The following ADRA1B variants were observed in gnomAD, a reference collection of about 807,000 sequenced individuals.
ADRA1B encodes the protein alpha-1B adrenergic receptor.
Under a neutral mutation model 17.9 loss-of-function variants are expected in ADRA1B, and 17 were observed. That is an observed-to-expected ratio of 0.95 (90% CI 0.65 to 1.42). ADRA1B has a LOEUF of 1.42. Among genes scored for constraint, ADRA1B ranks in the 40% most tolerant of loss-of-function variants. The pLI is 0.00. For synonymous variants in ADRA1B, 366 were observed against 327.6 expected, an observed-to-expected ratio of 1.12 and a Z score of -1.27; for missense variants, 681 against 722.1, an observed-to-expected ratio of 0.94 and a Z score of 0.65.
chr5:159,934,852 C>T (rs574050323), intron 1 of ADRA1B, among the ~76,000 whole-genome samples: 2 of 151,166 alleles, frequency 1.3e-5, no homozygotes, highest in South Asian at 4.2e-4. Flanking sequence ...TGAAATCTGA[C>T]ATATCTGTCT....
chr5:159,944,192 A>G (rs1181462965), intron 1 of ADRA1B, among the ~76,000 whole-genome samples: 1 of 152,020 alleles, frequency 6.6e-6, no homozygotes, highest in African/African-American at 2.4e-5. Flanking sequence ...AAAGATACCA[A>G]TTTACTCAGG....
the ADRA1B span, among the ~76,000 whole-genome samples, chr5:159,983,237 C>G: frequency 1.3e-5 from 2 of 152,188 alleles, no homozygotes; most frequent in African/African-American, 4.8e-5. Context: ...AACCAGATCC[C>G]TCTGCTGCTT....
At chr5:159,949,529 C>T (rs1755367308) in intron 1 of ADRA1B, among the ~76,000 whole-genome samples, 1 of 152,186 alleles carries the variant, frequency 6.6e-6, no homozygotes, top group Non-Finnish European at 1.5e-5. Flanking sequence ...GATGCATCAA[C>T]AACATGAAAA....
At chr5:159,964,885 A>G (rs901947621) in intron 1 of ADRA1B, among the ~76,000 whole-genome samples, 32 of 152,304 alleles carry the variant, frequency 2.1e-4, no homozygotes, top group African/African-American at 7.7e-4. Flanking sequence ...CATCATAGCT[A>G]TACTTATTGA....
upstream of ADRA1B, among the ~76,000 whole-genome samples, chr5:159,914,163 GAT>G (rs1581028385): frequency 6.6e-6 from 1 of 152,182 alleles, no homozygotes; most frequent in Non-Finnish European, 1.5e-5. Context: ...GGATCTCAAA[GAT>G]CATCTAAGCC....
At chr5:159,884,548 G>A (rs1262997354) in intron 1 of ADRA1B, among the ~76,000 whole-genome samples, 1 of 152,068 alleles carries the variant, frequency 6.6e-6, no homozygotes. Context: ...GGACTTCCCA[G>A]CCTCCAAAAC....
chr5:159,948,399 C>T (rs1755333190), intron 1 of ADRA1B: 2 of 985,390 alleles, frequency 2.0e-6, no homozygotes, highest in African/African-American at 3.5e-5. Flanking sequence ...GGAACCTTCA[C>T]AAAAATGATG....
chr5:159,986,390 A>G, the ADRA1B span, among the ~76,000 whole-genome samples: 1 of 152,320 alleles, frequency 6.6e-6, no homozygotes, highest in African/African-American at 2.4e-5. Flanking sequence ...AGTATATCCA[A>G]CCTAGACAGA....
At chr5:159,877,635 C>T (rs983933737) in intron 1 of ADRA1B, among the ~76,000 whole-genome samples, 1 of 152,120 alleles carries the variant, frequency 6.6e-6, no homozygotes, top group Non-Finnish European at 1.5e-5. Context: ...TATGGACTCC[C>T]TACTGTGCAC....
intron 1 of ADRA1B, among the ~76,000 whole-genome samples, chr5:159,919,581 T>C (rs760018879): frequency 6.6e-6 from 1 of 152,278 alleles, no homozygotes; most frequent in Non-Finnish European, 1.5e-5. Flanking sequence ...AAGTTAGCTA[T>C]GAGCAGTACA....
chr5:159,941,514 TC>T (rs1487062717), intron 1 of ADRA1B, among the ~76,000 whole-genome samples: 3 of 152,160 alleles, frequency 2.0e-5, no homozygotes, highest in Admixed American at 6.5e-5. Context: ...GACCCAGCAG[TC>T]CGACTCCTAG....
chr5:159,977,792 T>C (rs1755995103), downstream of ADRA1B, among the ~76,000 whole-genome samples: 1 of 152,134 alleles, frequency 6.6e-6, no homozygotes, highest in African/African-American at 2.4e-5. Flanking sequence ...CTCTCTGATC[T>C]TCTTTCCTAC....
intron 1 of ADRA1B, among the ~76,000 whole-genome samples, chr5:159,960,993 T>C (rs993910488): frequency 6.6e-6 from 1 of 152,214 alleles, no homozygotes; most frequent in African/African-American, 2.4e-5. Flanking sequence ...GATGAGAATA[T>C]AGACCTAAGC....
At chr5:159,898,153 G>T (rs926873462) in intron 1 of ADRA1B, among the ~76,000 whole-genome samples, 2 of 152,240 alleles carry the variant, frequency 1.3e-5, no homozygotes, top group Non-Finnish European at 2.9e-5. Context: ...AAAGGAACCA[G>T]TTGTGTTGGC....
chr5:159,934,412 C>A (rs897161286), intron 1 of ADRA1B, among the ~76,000 whole-genome samples: 1 of 152,046 alleles, frequency 6.6e-6, no homozygotes, highest in Admixed American at 6.5e-5. Flanking sequence ...GCCTTCCCAC[C>A]CCCTCGTCTT....
intron 1 of ADRA1B, among the ~76,000 whole-genome samples, chr5:159,895,393 T>G (rs1219371538): frequency 6.6e-6 from 1 of 152,216 alleles, no homozygotes; most frequent in East Asian, 1.9e-4. Context: ...AAACAATGCC[T>G]CATTGAAGCT....
intron 1 of ADRA1B, 90 bp from the exon 2 acceptor site, chr5:159,971,789 C>T (rs1755869832): frequency 6.3e-6 from 8 of 1,271,978 alleles, no homozygotes; most frequent in African/African-American, 1.5e-5. Flanking sequence ...TGCAGGTTGA[C>T]AATGTTGAGG....
chr5:159,965,341 G>A (rs994851827), intron 1 of ADRA1B, among the ~76,000 whole-genome samples: 2 of 152,144 alleles, frequency 1.3e-5, no homozygotes, highest in African/African-American at 4.8e-5. Context: ...TCAGGGCCAG[G>A]CTCGGGAACA....
intron 1 of ADRA1B, among the ~76,000 whole-genome samples, chr5:159,958,639 AAAC>A (rs1329044645): frequency 3.9e-5 from 6 of 152,330 alleles, no homozygotes; most frequent in East Asian, 1.9e-4. Flanking sequence ...CACACAACAA[AAAC>A]AACAACAACA....
Sources: gnomAD v4.1 joint callset for allele counts (sites outside exome capture counted in the v4.1 genomes callset) on GRCh38, gnomAD v4.1.1 for gene constraint, MANE v1.5 for transcripts, NCBI Gene and HGNC (gene_info 2026-07-23, HGNC 2026-07-21) for gene names.